TTK: variants seen among roughly 807,000 people sequenced by gnomAD.
The protein encoded by TTK is TTK protein kinase.
In TTK, 59 loss-of-function variants were observed where a neutral mutation model predicts 117.3. That is an observed-to-expected ratio of 0.50 (90% CI 0.41 to 0.62). TTK has a LOEUF of 0.62. Ranked by LOEUF, TTK falls within the 20% of genes least tolerant of loss-of-function variation. The probability of loss-of-function intolerance (pLI) is 0.00; values close to 1 mark genes in which losing one functional copy is unlikely to be tolerated. For missense variants in TTK, 921 were observed against 989.4 expected, an observed-to-expected ratio of 0.93 and a Z score of 0.93; for synonymous variants, 302 against 325.0, an observed-to-expected ratio of 0.93 and a Z score of 0.76.
rs1284885333 is a variant in TTK at position 80,010,922 on chromosome 6, A to T, written c.578A>T (p.Gln193Leu). 1 of 1,612,394 alleles carries T rather than the reference A, an allele frequency of 6.2e-7. No homozygotes were observed. Among genetic ancestry groups the T allele is most frequent in the Non-Finnish European group, 8.5e-7 (1 of 1,178,678 alleles). The change falls in exon 5 of 22, where the codon CAG becomes CTG. Residue 193 changes from glutamine (Q) to leucine (L), a missense_variant. By Grantham distance (113) the Gln-to-Leu change is moderately radical. Coordinates refer to ENST00000369798, the MANE Select transcript of TTK (RefSeq NM_003318.5). Reference protein sequence around the residue: ...ALRNLNLQKKQLLSEEEKKNL... With the variant: ...ALRNLNLQKKLLLSEEEKKNL... ...CGGAATTTAAACCTCCAAAAAAAGC[A>T]GCTGCTTTCAGAGGAGGAAAAGAAG...
At chr6:80,038,147 A>T (rs1562026125) in intron 18 of TTK, 100 bp downstream of exon 18, 1 of 757,484 alleles carries the variant, frequency 1.3e-6, no homozygotes, top group Non-Finnish European at 2.0e-6. Flanking sequence ...TAAGTTCTAA[A>T]ACTTTTTAGG....
chr6:80,018,709 A>G (rs1200577561), intron 10 of TTK, among the ~76,000 whole-genome samples: 1 of 151,200 alleles, frequency 6.6e-6, no homozygotes, highest in South Asian at 2.1e-4. Context: ...TATAATTGCT[A>G]TGACCTCCAG....
intron 13 of TTK, among the ~76,000 whole-genome samples, chr6:80,031,044 C>CAAAAAAAAA (rs56848922): frequency 1.3e-5 from 1 of 77,924 alleles, no homozygotes; most frequent in South Asian, 3.7e-4. Context: ...GATGCTGTCT[C>CAAAAAAAAA]AAAAAAAAAA....
rs141982261 is a variant in TTK, at chr6:80,040,532, T to C, written c.2393-74T>C. On this transcript the variant is annotated intron_variant, in intron 20 of 21. Coordinates refer to ENST00000369798, the MANE Select transcript of TTK (RefSeq NM_003318.5). ...TTATAAGAATATCACTTTGTGCTAT[T>C]AAACAAAATGTGTATTTACAATGGA... The C allele has an allele frequency of 2.1e-3, 2,818 of 1,317,040 alleles. 64 individuals are homozygous for C. In the African/African-American group the frequency reaches 0.038, roughly 18 times the overall value. 81.6% of individuals were successfully genotyped at this position (1,317,040 alleles called of 1,614,324 possible). A position where few individuals can be genotyped will look rare whatever the true frequency, so the allele number is the denominator to read the frequency against.
At chr6:80,040,140 A>G (rs1332672071) in intron 19 of TTK, 56 bp from the exon 20 acceptor site, 12 of 1,327,848 alleles carry the variant, frequency 9.0e-6, no homozygotes, top group East Asian at 2.5e-5. Flanking sequence ...TACTTTATCA[A>G]TATCATATAT....
rs367719510 is a variant in TTK at position 80,007,902 on chromosome 6, C to T, written c.233C>T (p.Pro78Leu). Residue 78 changes from proline (P) to leucine (L), a missense_variant, in exon 3 of 22, where the codon CCG becomes CTG. Transcript: ENST00000369798. The stretch of plus-strand genomic sequence containing the variant: ...CTCAAACTAGAGAAAAACAGTGTTC[C>T]GCTAAGTGATGCTCTTTTAAATAAA... ...LLLKLEKNSV[P>L]LSDALLNKLI... The T allele has an allele frequency of 3.6e-5, 58 of 1,613,522 alleles. No homozygotes were observed. In the African/African-American group the frequency reaches 5.2e-4, roughly 14 times the overall value.
chr6:80,029,069 G>T (rs929459252), intron 13 of TTK, among the ~76,000 whole-genome samples: 1 of 152,102 alleles, frequency 6.6e-6, no homozygotes, highest in African/African-American at 2.4e-5. Context: ...AGTAGCAATT[G>T]TTATTTAAAT....
intron 8 of TTK, among the ~76,000 whole-genome samples, chr6:80,012,290 C>A (rs239560): frequency 0.55 from 83,278 of 151,748 alleles, 23,147 homozygotes; most frequent in Admixed American, 0.66. Context: ...AGAATCTCTT[C>A]CTGTTTTGTT....
chr6:80,010,847 A>G lies in TTK; in HGVS notation c.503A>G (p.Lys168Arg), dbSNP rs748887464. ...NVKKSKQLLQ[K>R]AVERGAVPLE... is the part of the protein sequence containing the mutation. Reference sequence around the variant, plus strand: ...AAAAAAAGTAAACAACTTCTTCAAAAAGCTGTAGAACGTGGAGCAGTACCA... The same window carrying G: ...AAAAAAAGTAAACAACTTCTTCAAAGAGCTGTAGAACGTGGAGCAGTACCA... Residue 168 changes from lysine (K) to arginine (R), a missense_variant, in exon 5 of 22, where the codon AAA becomes AGA. Coordinates refer to ENST00000369798, the MANE Select transcript of TTK (RefSeq NM_003318.5). 5 of 1,611,320 alleles carry G rather than the reference A, an allele frequency of 3.1e-6. No individual in the cohort carries two copies. The highest frequency in any genetic ancestry group is 3.4e-6 in the Non-Finnish European group (4 of 1,178,394).
At chr6:80,015,403 G>C (rs1299873901) in intron 10 of TTK, among the ~76,000 whole-genome samples, 1 of 152,090 alleles carries the variant, frequency 6.6e-6, no homozygotes, top group Non-Finnish European at 1.5e-5. Context: ...TCATTAATAG[G>C]ATGATCATTG....
chr6:80,019,736 TCTTA>T (rs1767408112), intron 10 of TTK, among the ~76,000 whole-genome samples: 2 of 152,252 alleles, frequency 1.3e-5, no homozygotes, highest in South Asian at 2.1e-4. Flanking sequence ...ATTAAATTAG[TCTTA>T]CTTGTCAAAA....
At chr6:80,020,389 A>G (rs1365799764) in intron 10 of TTK, among the ~76,000 whole-genome samples, 1 of 152,220 alleles carries the variant, frequency 6.6e-6, no homozygotes, top group African/African-American at 2.4e-5. Context: ...GCTGACCTGT[A>G]TAAGAAAAAT....
chr6:80,007,991 A>ACCTC lies in TTK; in HGVS notation c.322_323insCCTC (p.Ser108ThrfsTer5). 9 of 1,591,538 alleles carry ACCTC rather than the reference A, an allele frequency of 5.7e-6. No individual in the cohort carries two copies. Among genetic ancestry groups the ACCTC allele is most frequent in the Non-Finnish European group, 7.8e-6 (9 of 1,159,954 alleles). On this transcript the variant is annotated frameshift_variant, in exon 3 of 22. Coordinates refer to ENST00000369798, the MANE Select transcript of TTK (RefSeq NM_003318.5). LOFTEE classifies it high-confidence loss of function. ...CCCAGATAAATATGGCCAAAATGAGAGTTTTGCTAGAATTCAAGTGAGATT... is the reference window on the plus strand; with the variant it reads ...CCCAGATAAATATGGCCAAAATGAGACCTCGTTTTGCTAGAATTCAAGTGAGATT...
chr6:80,006,718 G>A (rs187817986), intron 2 of TTK, among the ~76,000 whole-genome samples: 9 of 152,288 alleles, frequency 5.9e-5, no homozygotes, highest in Non-Finnish European at 7.4e-5. Flanking sequence ...GAATGCATCT[G>A]CAAAGCCACA....
chr6:80,011,142 T>C (rs183184622), intron 5 of TTK, among the ~76,000 whole-genome samples, 185 bp downstream of exon 5: 12 of 151,868 alleles, frequency 7.9e-5, no homozygotes, highest in African/African-American at 2.7e-4. Flanking sequence ...TCTTTTTTGC[T>C]AACTAAACTT....
rs578190190 is a variant in TTK, at chr6:80,010,763, G to A, written c.470-51G>A. On this transcript the variant is annotated intron_variant, in intron 4 of 21. Coordinates refer to ENST00000369798, the MANE Select transcript of TTK (RefSeq NM_003318.5). ...ATGAATACGTATCTGGGTGGTCTGG[G>A]TGGTGGGCATTTTACTGCCTAAAAA... is the stretch of plus-strand genomic sequence containing the variant. 5.9e-6 allele frequency: 9 copies of A among 1,514,088 alleles called. No homozygotes were observed. In the South Asian group the frequency reaches 7.1e-5, roughly 12 times the overall value. 93.8% of individuals were successfully genotyped at this position (1,514,088 alleles called of 1,614,324 possible).
chr6:80,039,629 A>T, intron 18 of TTK, 67 bp from the exon 19 acceptor site: 1 of 1,200,590 alleles, frequency 8.3e-7, no homozygotes, highest in Non-Finnish European at 1.1e-6. Context: ...TATATTTAAT[A>T]TATATGTTTT....
At position 80,011,850 on chromosome 6, in the gene TTK, C is replaced by T. The variant is rs369404718; in HGVS notation, c.802-36C>T. The T allele has an allele frequency of 8.7e-6, 14 of 1,611,648 alleles. No homozygotes were observed. The African/African-American group carries it at 1.9e-4, about 22-fold the overall frequency. On this transcript the variant is annotated intron_variant, in intron 7 of 21. Coordinates refer to ENST00000369798, the MANE Select transcript of TTK (RefSeq NM_003318.5). ...ATTAAGGTGGTGATAGTCTTTATTT[C>T]CTAGTTGGTTATTTAATCTTTCAAA...
intron 19 of TTK, 74 bp from the exon 20 acceptor site, chr6:80,040,122 T>C: frequency 8.4e-7 from 1 of 1,195,386 alleles, no homozygotes. Context: ...TAATGTAATC[T>C]GGAAAAATAC....
Sources: allele counts gnomAD v4.1 joint callset (sites outside exome capture counted in the v4.1 genomes callset), GRCh38; gene constraint gnomAD v4.1.1; transcripts MANE v1.5; gene names NCBI Gene and HGNC (gene_info 2026-07-23, HGNC 2026-07-21).